Variants in ATG7 observed in about 807,000 individuals in gnomAD.
The protein encoded by ATG7 is autophagy related 7.
A neutral mutation model predicts 82.4 loss-of-function variants in ATG7; 70 were observed. The ratio of observed to expected loss-of-function variants is 0.85; its 90% CI spans 0.70 to 1.04. The LOEUF (loss-of-function observed/expected upper bound fraction) is 1.04. ATG7 is among the 50% of genes least tolerant of loss of function. ATG7 has a pLI of 0.00. For missense variants in ATG7, 792 were observed against 864.3 expected, an observed-to-expected ratio of 0.92 and a Z score of 1.05; for synonymous variants, 287 against 313.0, an observed-to-expected ratio of 0.92 and a Z score of 0.88.
At chr3:11,467,932 G>A (rs535374318) in intron 20 of ATG7, among the ~76,000 whole-genome samples, 1 of 152,158 alleles carries the variant, frequency 6.6e-6, no homozygotes, top group African/African-American at 2.4e-5. Context: ...CTCCCCCAGT[G>A]TCATGGCTAA....
intron 20 of ATG7, among the ~76,000 whole-genome samples, chr3:11,454,144 T>C (rs1012793725): frequency 6.6e-6 from 1 of 152,002 alleles, no homozygotes; most frequent in Admixed American, 6.5e-5. Context: ...GAAACTAGAC[T>C]GGGTATCTGC....
chr3:11,389,015 AG>A (rs892934715), intron 19 of ATG7, among the ~76,000 whole-genome samples: 6 of 151,992 alleles, frequency 3.9e-5, no homozygotes, highest in African/African-American at 1.2e-4. Flanking sequence ...TGGGAGGCTG[AG>A]GGGGGCAGAT....
Position 11,299,353 on chromosome 3 carries a change from T to C in ATG7, c.161-9T>C. ...TTGTCATTGAAAATGTGATAATGCT[T>C]CTGTCCAGGTGACTCTGCTGGGCTG... On this transcript the variant is annotated splice_polypyrimidine_tract_variant and intron_variant, in intron 4 of 20. Transcript: ENST00000693202. 2 of 1,607,340 alleles carry C rather than the reference T, an allele frequency of 1.2e-6. No individual in the cohort carries two copies. The highest frequency in any genetic ancestry group is 1.7e-6 in the Non-Finnish European group (2 of 1,173,888).
chr3:11,503,755 C>CAAAAAAAAA (rs34065629), intron 20 of ATG7, among the ~76,000 whole-genome samples: 33 of 76,880 alleles, frequency 4.3e-4, no homozygotes, highest in Non-Finnish European at 5.6e-4. Flanking sequence ...GACTCTGTCT[C>CAAAAAAAAA]AAAAAAAAAA....
chr3:11,573,276 A>G, the ATG7 span, among the ~76,000 whole-genome samples: 2 of 11,188 alleles, frequency 1.8e-4, no homozygotes, highest in African/African-American at 1.6e-3. Flanking sequence ...AGAAAGAAAG[A>G]AAGAAAGAAA....
intron 18 of ATG7, among the ~76,000 whole-genome samples, chr3:11,372,825 TGC>T (rs1559490283): frequency 5.1e-5 from 6 of 117,468 alleles, no homozygotes; most frequent in East Asian, 2.3e-4. Flanking sequence ...TGCGCGCGTG[TGC>T]GTGTGTGTGC....
intron 20 of ATG7, among the ~76,000 whole-genome samples, chr3:11,553,041 C>T (rs2071970298): frequency 6.6e-6 from 1 of 152,222 alleles, no homozygotes; most frequent in Admixed American, 6.5e-5. Flanking sequence ...CTGCCCTGCC[C>T]AGGCTGGCAG....
intron 8 of ATG7, 135 bp downstream of exon 8, chr3:11,313,555 G>A (rs1948981754): frequency 1.8e-6 from 1 of 552,608 alleles, no homozygotes; most frequent in Admixed American, 3.6e-5. Flanking sequence ...GGTGGTACTA[G>A]GAGCAGACTT....
At chr3:11,437,675 A>G (rs1008278212) in intron 20 of ATG7, among the ~76,000 whole-genome samples, 3 of 152,096 alleles carry the variant, frequency 2.0e-5, no homozygotes, top group Non-Finnish European at 4.4e-5. Flanking sequence ...CCAACAATTA[A>G]CATTTTGCCA....
intron 3 of ATG7, among the ~76,000 whole-genome samples, chr3:11,282,909 G>C (rs530733758): frequency 4.3e-4 from 66 of 152,316 alleles, no homozygotes; most frequent in African/African-American, 1.5e-3. Flanking sequence ...AACATATGCT[G>C]TTTGTCAGCG....
In ATG7 at chr3:11,315,455, A is replaced by G; in HGVS notation, c.640A>G (p.Lys214Glu). ...GAACATGGTGCTGGTTTCCTTGCTT[A>G]AACACTACAGTGATTTCTTCCAAGG... The part of the protein sequence containing the change: ...DENMVLVSLL[K>E]HYSDFFQGQR... Residue 214 changes from lysine to glutamate, a missense_variant, in exon 9 of 21, where the codon AAA becomes GAA. Coordinates refer to ENST00000693202, the MANE Select transcript of ATG7 (RefSeq NM_001349232.2). The G allele has an allele frequency of 6.2e-7, 1 of 1,612,048 alleles. No individual in the cohort carries two copies. Among genetic ancestry groups the G allele is most frequent in the Non-Finnish European group, 8.5e-7 (1 of 1,179,194 alleles).
intron 19 of ATG7, among the ~76,000 whole-genome samples, chr3:11,405,425 A>G (rs745656769): frequency 2.0e-5 from 3 of 152,100 alleles, no homozygotes; most frequent in Non-Finnish European, 4.4e-5. Flanking sequence ...TTTTACCAAG[A>G]TTCAGTTTTT....
chr3:11,478,341 C>T (rs560325649), intron 20 of ATG7, among the ~76,000 whole-genome samples: 2 of 152,312 alleles, frequency 1.3e-5, no homozygotes, highest in South Asian at 4.1e-4. Context: ...ATCTGAGTTT[C>T]AAATGATTGC....
At chr3:11,440,107 C>CT (rs993743090) in intron 20 of ATG7, among the ~76,000 whole-genome samples, 2 of 152,156 alleles carry the variant, frequency 1.3e-5, no homozygotes, top group African/African-American at 4.8e-5. Context: ...AGCGGTTTTG[C>CT]TTTTTGTCTG....
chr3:11,364,667 C>A lies in ATG7; in HGVS notation c.1808C>A (p.Ala603Asp). Reference protein sequence around the residue: ...SVLQHPEGGYAIASSSDDRMN... With the variant: ...SVLQHPEGGYDIASSSDDRMN... Reference sequence around the variant, plus strand: ...TTGTTTCCTGTCCTCAGGGGCTATGCCATTGCCAGCAGCAGTGACGATCGG... The same window carrying A: ...TTGTTTCCTGTCCTCAGGGGCTATGACATTGCCAGCAGCAGTGACGATCGG... The change falls in exon 18 of 21, where the codon GCC becomes GAC. Residue 603 changes from alanine (A) to aspartate (D), a missense_variant. Ala to Asp is a moderately radical substitution (Grantham distance 126). Transcript: ENST00000693202. 1.2e-6 allele frequency: 2 copies of A among 1,614,112 alleles called. No homozygotes were observed. Among genetic ancestry groups the A allele is most frequent in the Non-Finnish European group, 1.7e-6 (2 of 1,179,966 alleles).
intron 19 of ATG7, among the ~76,000 whole-genome samples, chr3:11,406,793 A>T (rs2080386448): frequency 6.6e-6 from 1 of 152,166 alleles, no homozygotes; most frequent in Non-Finnish European, 1.5e-5. Context: ...AAGACCCATT[A>T]ACCATCACCA....
intron 3 of ATG7, among the ~76,000 whole-genome samples, chr3:11,295,888 C>A (rs1945819739): frequency 6.6e-6 from 1 of 151,832 alleles, no homozygotes. Flanking sequence ...CTGCAGTTCT[C>A]CTGCCTCAGC....
At chr3:11,479,588 C>A (rs570503361) in intron 20 of ATG7, among the ~76,000 whole-genome samples, 1 of 151,956 alleles carries the variant, frequency 6.6e-6, no homozygotes. Context: ...AAGTTGGAAG[C>A]CCAAAGTAAG....
chr3:11,461,252 G>A (rs191022591), intron 20 of ATG7, among the ~76,000 whole-genome samples: 3 of 152,318 alleles, frequency 2.0e-5, no homozygotes, highest in Admixed American at 1.3e-4. Context: ...AGGCCATTCT[G>A]TGTCCCTTAG....
Sources: allele counts gnomAD v4.1 joint callset (sites outside exome capture counted in the v4.1 genomes callset), GRCh38; gene constraint gnomAD v4.1.1; transcripts MANE v1.5; gene names NCBI Gene and HGNC (gene_info 2026-07-23, HGNC 2026-07-21).